Variants in ADGRL2 observed in about 807,000 individuals in gnomAD.
ADGRL2 encodes adhesion G protein-coupled receptor L2.
A neutral mutation model predicts 157.4 loss-of-function variants in ADGRL2; 44 were observed. The observed-to-expected ratio is 0.28, with a 90% confidence interval of 0.22 to 0.36. ADGRL2 has a LOEUF of 0.36. ADGRL2 is among the 10% of genes least tolerant of loss of function. The pLI, the probability that ADGRL2 is intolerant of heterozygous loss-of-function variation, is 1.00. For missense variants in ADGRL2, 1,510 were observed against 1,768.9 expected (o/e 0.85, Z 2.63); for synonymous variants, 585 against 624.7 (o/e 0.94, Z 0.95).
rs546193791 is a variant in ADGRL2, at chr1:81,380,592, C to T, written c.-301-64444C>T. 1.1e-4 allele frequency among the ~76,000 whole-genome samples: 17 copies of T among 152,212 alleles called. No individual in the cohort carries two copies. In the East Asian group the frequency reaches 3.1e-3, roughly 28 times the overall value. ...ACATGGATTTTTTCCAAATTGCTAA[C>T]CATTTATCCAATACCATTTTTGACT... On this transcript the variant is annotated intron_variant, in intron 1 of 24. Coordinates refer to the ADGRL2 transcript ENST00000370721.
chr1:81,983,027 G>C (rs186607691), intron 19 of ADGRL2, among the ~76,000 whole-genome samples: 1 of 151,830 alleles, frequency 6.6e-6, no homozygotes, highest in Non-Finnish European at 1.5e-5. Context: ...AATTACTTTG[G>C]CTTTTATATA....
At chr1:81,553,575 A>G (rs2080202176) in intron 2 of ADGRL2, among the ~76,000 whole-genome samples, 1 of 152,220 alleles carries the variant, frequency 6.6e-6, no homozygotes, top group South Asian at 2.1e-4. Flanking sequence ...CCTTCATGAC[A>G]CACATCAATA....
rs141243674 is a variant in ADGRL2, at chr1:81,919,885, G to C, written c.287+12655G>C. 6.6e-4 allele frequency among the ~76,000 whole-genome samples: 101 copies of C among 152,204 alleles called. No homozygotes were observed. In the East Asian group the frequency reaches 9.6e-3, roughly 15 times the overall value. On this transcript the variant is annotated intron_variant, in intron 3 of 23. Coordinates refer to ENST00000686636, the MANE Select transcript of ADGRL2 (RefSeq NM_001366006.2). Reference sequence around the variant, plus strand: ...GGTTCAAGGCACTTTTATATATCTTGCCATTTATTTCAACCCTTGATGAGT... The same window carrying C: ...GGTTCAAGGCACTTTTATATATCTTCCCATTTATTTCAACCCTTGATGAGT...
At position 81,310,586 on chromosome 1, in the gene ADGRL2, G is replaced by A. The variant is rs1659678318; in HGVS notation, c.-302+4077G>A. On this transcript the variant is annotated intron_variant, in intron 1 of 24. Coordinates refer to the ADGRL2 transcript ENST00000370721. Reference sequence around the variant, plus strand: ...TTCTTTTTAGATCTTTGAAGTATCAGGCAGATGGACTGCCCTGTATATCCA... The same window carrying A: ...TTCTTTTTAGATCTTTGAAGTATCAAGCAGATGGACTGCCCTGTATATCCA... Among the ~76,000 whole-genome samples, 3 of 152,164 alleles carry A rather than the reference G, an allele frequency of 2.0e-5. No individual in the cohort carries two copies. The South Asian group carries it at 6.2e-4, about 32-fold the overall frequency.
At chr1:81,969,524 G>T (rs555601166) in intron 15 of ADGRL2, 137 bp downstream of exon 15, 2 of 602,228 alleles carry the variant, frequency 3.3e-6, no homozygotes, top group Non-Finnish European at 5.8e-6. Flanking sequence ...AAGACAATTT[G>T]TAGTAAATTA....
intron 1 of ADGRL2, among the ~76,000 whole-genome samples, chr1:81,363,648 C>T (rs1002887964): frequency 2.0e-5 from 3 of 152,090 alleles, no homozygotes; most frequent in African/African-American, 7.2e-5. Flanking sequence ...GTGCTGCTGA[C>T]CAATCAATTC....
At chr1:81,416,125 C>A (rs1289270562) in intron 1 of ADGRL2, among the ~76,000 whole-genome samples, 8 of 152,126 alleles carry the variant, frequency 5.3e-5, no homozygotes, top group African/African-American at 1.9e-4. Flanking sequence ...GCTGGGATTA[C>A]AGGCGTGAGC....
chr1:81,852,519 C>T (rs183940659), intron 2 of ADGRL2, among the ~76,000 whole-genome samples: 6 of 152,088 alleles, frequency 3.9e-5, no homozygotes, highest in East Asian at 1.9e-4. Flanking sequence ...AAATTCTCCC[C>T]GATACAACAT....
chr1:81,888,493 G>T lies in ADGRL2; in HGVS notation c.74-18524G>T, dbSNP rs531242745. ...CTTGCTCTGTAACCCAGGCTGGAGC[G>T]CAGTGGTGCAATCTCGCTCACTGCA... On this transcript the variant is annotated intron_variant, in intron 2 of 23. Coordinates refer to ENST00000686636, the MANE Select transcript of ADGRL2 (RefSeq NM_001366006.2). 2.2e-4 allele frequency among the ~76,000 whole-genome samples: 33 copies of T among 152,136 alleles called. 1 individual carries two copies. In the South Asian group the frequency reaches 5.4e-3, roughly 25 times the overall value.
chr1:81,441,079 C>T (rs1479563183), intron 1 of ADGRL2, among the ~76,000 whole-genome samples: 1 of 152,152 alleles, frequency 6.6e-6, no homozygotes, highest in East Asian at 1.9e-4. Context: ...GTCTTCCCTC[C>T]ATGACATCAG....
At chr1:81,841,581 T>C (rs2092580898) in intron 2 of ADGRL2, among the ~76,000 whole-genome samples, 1 of 152,232 alleles carries the variant, frequency 6.6e-6, no homozygotes, top group Admixed American at 6.5e-5. Context: ...CAGACTACTG[T>C]GTTCATTCCT....
chr1:81,881,783 T>C (rs2093995403), intron 2 of ADGRL2, among the ~76,000 whole-genome samples: 1 of 152,242 alleles, frequency 6.6e-6, no homozygotes, highest in Non-Finnish European at 1.5e-5. Context: ...TCTGTTTCTT[T>C]GCTTCCCCTG....
At chr1:81,399,946 G>C (rs1570852050) in intron 1 of ADGRL2, among the ~76,000 whole-genome samples, 1 of 151,650 alleles carries the variant, frequency 6.6e-6, no homozygotes, top group East Asian at 2.0e-4. Flanking sequence ...CTTTTGTAGA[G>C]AATGACTTTC....
intron 1 of ADGRL2, among the ~76,000 whole-genome samples, chr1:81,351,757 A>G (rs1662908153): frequency 1.3e-5 from 2 of 152,234 alleles, no homozygotes; most frequent in Admixed American, 6.5e-5. Context: ...TCAAAAAAGC[A>G]TTCCTGTTAG....
intron 1 of ADGRL2, among the ~76,000 whole-genome samples, chr1:81,710,671 C>T (rs1048807318): frequency 1.4e-5 from 2 of 147,882 alleles, no homozygotes; most frequent in African/African-American, 5.0e-5. Flanking sequence ...TGAGTTACAT[C>T]TCTCAGTATT....
At chr1:81,762,175 G>T (rs912299599) in intron 2 of ADGRL2, among the ~76,000 whole-genome samples, 3 of 152,046 alleles carry the variant, frequency 2.0e-5, no homozygotes, top group Non-Finnish European at 4.4e-5. Context: ...AATAAATGTG[G>T]TTTATATTCC....
At chr1:81,422,372 G>A (rs923393608) in intron 1 of ADGRL2, among the ~76,000 whole-genome samples, 1 of 152,122 alleles carries the variant, frequency 6.6e-6, no homozygotes, top group Admixed American at 6.5e-5. Flanking sequence ...AGCCTCCCAA[G>A]GAGCTGGGAT....
At chr1:81,827,888 A>G (rs2091635269) in intron 1 of ADGRL2, among the ~76,000 whole-genome samples, 1 of 152,334 alleles carries the variant, frequency 6.6e-6, no homozygotes, top group South Asian at 2.1e-4. Flanking sequence ...TGTTTTGATC[A>G]GTAAATAATG....
At chr1:81,716,782 T>C (rs1347866101) in intron 1 of ADGRL2, among the ~76,000 whole-genome samples, 1 of 152,166 alleles carries the variant, frequency 6.6e-6, no homozygotes, top group Non-Finnish European at 1.5e-5. Flanking sequence ...AGAAGGTAAA[T>C]TACAGTTTGT....
Sources: gnomAD v4.1 joint callset for allele counts (sites outside exome capture counted in the v4.1 genomes callset) on GRCh38, gnomAD v4.1.1 for gene constraint, MANE v1.5 for transcripts, NCBI Gene and HGNC (gene_info 2026-07-23, HGNC 2026-07-21) for gene names.